The following TTLL13 variants were observed in gnomAD, a reference collection of about 807,000 sequenced individuals.
TTLL13 encodes tubulin polyglutamylase TTLL13.
At chr15:90,258,704 T>G in the TTLL13 span, 2 of 1,554,200 alleles carry the variant, frequency 1.3e-6, no homozygotes, top group Non-Finnish European at 1.8e-6. Context: ...CCTGCTCAGG[T>G]GGTCTGGGAA....
At chr15:90,253,155 G>A in the TTLL13 span, 29 of 852,238 alleles carry the variant, frequency 3.4e-5, no homozygotes, top group Non-Finnish European at 2.8e-5. Context: ...ACCTGCCCTC[G>A]GGTCAGGTGT....
chr15:90,257,698 G>A, the TTLL13 span: 103 of 1,614,100 alleles, frequency 6.4e-5, no homozygotes, highest in South Asian at 4.8e-4. Context: ...AATTTTGTCC[G>A]GGATGGCGCT....
chr15:90,252,958 G>T, the TTLL13 span, among the ~76,000 whole-genome samples: 1 of 152,078 alleles, frequency 6.6e-6, no homozygotes, highest in Non-Finnish European at 1.5e-5. Flanking sequence ...AGCCAAGACC[G>T]TGCCACTGCA....
the TTLL13 span, among the ~76,000 whole-genome samples, chr15:90,260,368 G>GCGC: frequency 6.6e-6 from 1 of 151,962 alleles, no homozygotes; most frequent in Admixed American, 6.6e-5. Context: ...GTAATGGTGC[G>GCGC]CGCCTATGGT....
the TTLL13 span, chr15:90,264,977 G>A: frequency 3.9e-6 from 6 of 1,531,218 alleles, no homozygotes; most frequent in Non-Finnish European, 4.4e-6. Flanking sequence ...AAAGCAGGAG[G>A]GAAGCACTCT....
chr15:90,265,403 C>T, the TTLL13 span: 5 of 1,265,242 alleles, frequency 4.0e-6, no homozygotes, highest in Non-Finnish European at 5.0e-6. Context: ...ACAGGCAGGC[C>T]TGGGCAGCCG....
the TTLL13 span, among the ~76,000 whole-genome samples, chr15:90,251,067 G>C: frequency 2.0e-5 from 3 of 150,628 alleles, no homozygotes; most frequent in African/African-American, 4.9e-5. Flanking sequence ...AACCATTTAG[G>C]CTGGCTCATT....
chr15:90,250,870 G>A, the TTLL13 span: 461,256 of 1,613,634 alleles, frequency 0.29, 73,256 homozygotes, highest in East Asian at 0.66. Flanking sequence ...GGAGGAGGAA[G>A]AGAAGGCGGA....
At chr15:90,252,633 T>A in the TTLL13 span, among the ~76,000 whole-genome samples, 1 of 152,136 alleles carries the variant, frequency 6.6e-6, no homozygotes, top group Admixed American at 6.5e-5. Flanking sequence ...CACACAAGTA[T>A]GGAGTGTGAA....
the TTLL13 span, chr15:90,251,485 A>C: frequency 7.0e-7 from 1 of 1,427,318 alleles, no homozygotes; most frequent in African/African-American, 1.4e-5. Flanking sequence ...AATTTGTTGG[A>C]TGTCTTTTCA....
At chr15:90,258,995 G>T in the TTLL13 span, 227,463 of 1,610,010 alleles carry the variant, frequency 0.14, 17,729 homozygotes, top group African/African-American at 0.26. Context: ...TCCTTTAGAT[G>T]AAGAATGTGG....
At chr15:90,263,221 C>A in the TTLL13 span, 2 of 1,324,050 alleles carry the variant, frequency 1.5e-6, no homozygotes, top group Middle Eastern at 2.7e-4. Flanking sequence ...TTGGTCTCAA[C>A]AAAGGAGGCT....
At chr15:90,262,834 G>A in the TTLL13 span, 1 of 1,247,172 alleles carries the variant, frequency 8.0e-7, no homozygotes, top group South Asian at 1.6e-5. Context: ...TGAGAGAATG[G>A]ACAGCAAAAG....
the TTLL13 span, among the ~76,000 whole-genome samples, chr15:90,256,630 CTTCCTTCCTTCT>C: frequency 0.07 from 3,940 of 56,152 alleles, 105 homozygotes; most frequent in African/African-American, 0.13. Context: ...TCCTTCCTTC[CTTCCTTCCTTCT>C]TTCTTTCTCC....
chr15:90,262,388 A>G, the TTLL13 span: 2 of 1,296,518 alleles, frequency 1.5e-6, no homozygotes, highest in African/African-American at 3.0e-5. Context: ...ATCAGTCCTA[A>G]GAACAGATTG....
the TTLL13 span, chr15:90,262,653 G>A: frequency 2.1e-5 from 31 of 1,492,556 alleles, no homozygotes; most frequent in Admixed American, 5.1e-5. Context: ...TACAGGAACC[G>A]CAACTGGGAG....
chr15:90,263,832 G>A, the TTLL13 span: 2 of 747,064 alleles, frequency 2.7e-6, no homozygotes, highest in Non-Finnish European at 4.7e-6. Context: ...CCACAGAGCA[G>A]GGCGCTCCTC....
At chr15:90,261,935 A>T in the TTLL13 span, 1 of 1,265,150 alleles carries the variant, frequency 7.9e-7, no homozygotes, top group Non-Finnish European at 1.0e-6. Flanking sequence ...TCCAAACCTT[A>T]GTCAGTCTTC....
At chr15:90,254,161 C>G in the TTLL13 span, among the ~76,000 whole-genome samples, 3 of 149,830 alleles carry the variant, frequency 2.0e-5, no homozygotes, top group Non-Finnish European at 4.4e-5. Flanking sequence ...CCACTACACT[C>G]CAGCCTGTGT....
Sources: allele counts gnomAD v4.1 joint callset (sites outside exome capture counted in the v4.1 genomes callset), GRCh38; gene constraint gnomAD v4.1.1; transcripts MANE v1.5; gene names NCBI Gene and HGNC (gene_info 2026-07-23, HGNC 2026-07-21).